ZDHHC21: variants seen among roughly 807,000 people sequenced by gnomAD.
ZDHHC21 encodes zDHHC palmitoyltransferase 21.
Under a neutral mutation model 34.6 loss-of-function variants are expected in ZDHHC21, and 15 were observed. The ratio of observed to expected loss-of-function variants is 0.43; its 90% confidence interval spans 0.29 to 0.67. The LOEUF (loss-of-function observed/expected upper bound fraction) is 0.67. Ranked by LOEUF, ZDHHC21 falls within the 30% of genes least tolerant of loss-of-function variation. The probability of loss-of-function intolerance (pLI) is 0.14; values close to 1 mark genes in which losing one functional copy is unlikely to be tolerated. For missense variants in ZDHHC21, 344 were observed against 327.7 expected (o/e 1.05, Z -0.38); for synonymous variants, 142 against 101.8 (o/e 1.40, Z -2.38).
chr9:14,622,019 G>C (rs1048825349), intron 8 of ZDHHC21, among the ~76,000 whole-genome samples: 3 of 152,092 alleles, frequency 2.0e-5, no homozygotes, highest in African/African-American at 7.2e-5. Flanking sequence ...TAAGTCCTCA[G>C]TTATATGTAA....
rs1471828460 is a variant in ZDHHC21, at chr9:14,670,757, T to C, written c.253+2073A>G. The stretch of plus-strand genomic sequence containing the variant: ...ACATATCTATATGAACACATACATA[T>C]CTATATGTTTAGGGAACAGAGGAGA... On this transcript the variant is annotated intron_variant, in intron 5 of 9. Coordinates refer to ENST00000380916, the MANE Select transcript of ZDHHC21 (RefSeq NM_178566.6). 2.6e-5 allele frequency among the ~76,000 whole-genome samples: 4 copies of C among 152,098 alleles called. No homozygotes were observed. The East Asian group carries it at 7.7e-4, about 29-fold the overall frequency.
At chr9:14,619,135 C>T (rs1181238144) in intron 9 of ZDHHC21, 37 bp from the exon 10 acceptor site, 1 of 1,568,110 alleles carries the variant, frequency 6.4e-7, no homozygotes, top group East Asian at 2.3e-5. Flanking sequence ...AGACAGCACT[C>T]CCATGGTGCA....
intron 7 of ZDHHC21, among the ~76,000 whole-genome samples, chr9:14,648,192 T>C (rs866194773): frequency 1.1e-4 from 17 of 152,138 alleles, no homozygotes; most frequent in African/African-American, 3.9e-4. Context: ...CTTCAAACTA[T>C]AATAGACCAC....
At chr9:14,669,508 T>C (rs1277361636) in intron 5 of ZDHHC21, among the ~76,000 whole-genome samples, 1 of 151,676 alleles carries the variant, frequency 6.6e-6, no homozygotes, top group Non-Finnish European at 1.5e-5. Context: ...ACTGGGTATA[T>C]ACCCAAAATG....
intron 1 of ZDHHC21, among the ~76,000 whole-genome samples, chr9:14,692,332 T>C (rs777995145): frequency 3.3e-5 from 5 of 152,214 alleles, no homozygotes; most frequent in Non-Finnish European, 5.9e-5. Flanking sequence ...TATATTAGCA[T>C]AGTAGGCTGA....
intron 2 of ZDHHC21, among the ~76,000 whole-genome samples, chr9:14,680,602 A>C (rs1380663136): frequency 7.2e-6 from 1 of 138,436 alleles, no homozygotes; most frequent in East Asian, 2.0e-4. Context: ...CCATTAAGAG[A>C]GTCAAACATA....
At chr9:14,633,479 G>A (rs530607546) in intron 8 of ZDHHC21, among the ~76,000 whole-genome samples, 1 of 152,280 alleles carries the variant, frequency 6.6e-6, no homozygotes, top group South Asian at 2.1e-4. Context: ...GCTCCAGAGA[G>A]GAGGATCATG....
At chr9:14,622,341 G>C (rs996161380) in intron 8 of ZDHHC21, among the ~76,000 whole-genome samples, 26 of 151,072 alleles carry the variant, frequency 1.7e-4, no homozygotes, top group Admixed American at 1.6e-3. Flanking sequence ...TTATTTTTCA[G>C]GTCTAGTCTA....
intron 7 of ZDHHC21, among the ~76,000 whole-genome samples, chr9:14,641,941 T>C (rs1306916110): frequency 6.6e-6 from 1 of 152,170 alleles, no homozygotes; most frequent in African/African-American, 2.4e-5. Context: ...TGAGGTGATT[T>C]TTAGGAATGC....
At chr9:14,635,395 T>C (rs776351458) in intron 8 of ZDHHC21, among the ~76,000 whole-genome samples, 12 of 152,100 alleles carry the variant, frequency 7.9e-5, no homozygotes, top group Non-Finnish European at 1.8e-4. Flanking sequence ...ATAATCAAAC[T>C]ATCAAAAGTC....
the ZDHHC21 span, among the ~76,000 whole-genome samples, chr9:14,601,886 G>A: frequency 1.3e-5 from 2 of 152,044 alleles, no homozygotes; most frequent in East Asian, 1.9e-4. Context: ...CTCAGCAAAC[G>A]CTCACAGGAA....
rs771214056 is a variant in ZDHHC21 at position 14,614,496 on chromosome 9, C to T, written c.*4470G>A. On this transcript the variant is annotated 3_prime_UTR_variant, in exon 10 of 10. Coordinates refer to ENST00000380916, the MANE Select transcript of ZDHHC21 (RefSeq NM_178566.6). Reference sequence around the variant, plus strand: ...AGCAGAAATGCTAAATACTGATTAACATATAGAATTACAACACTGGTTCAA... The same window carrying T: ...AGCAGAAATGCTAAATACTGATTAATATATAGAATTACAACACTGGTTCAA... 1.3e-5 allele frequency: 2 copies of T among 151,688 alleles called. No homozygotes were observed. Among genetic ancestry groups the T allele is most frequent in the Non-Finnish European group, 3.0e-5 (2 of 67,720 alleles). 9.4% of individuals were successfully genotyped at this position (151,688 alleles called of 1,614,324 possible).
chr9:14,693,404 C>T lies in ZDHHC21; in HGVS notation c.-400G>A, dbSNP rs903618989. The T allele has an allele frequency of 6.7e-6, 2 of 297,204 alleles. No homozygotes were observed. Among genetic ancestry groups the T allele is most frequent in the Admixed American group, 1.1e-4 (2 of 18,072 alleles). 18.4% of individuals were successfully genotyped at this position (297,204 alleles called of 1,614,324 possible). On this transcript the variant is annotated 5_prime_UTR_variant, in exon 1 of 10. Coordinates refer to ENST00000380916, the MANE Select transcript of ZDHHC21 (RefSeq NM_178566.6). Reference sequence around the variant, plus strand: ...GACCGGCCGAGTGGGTGTCCGCATGCCCGCGCGCCCGCGTGGGGAGGGACG... The same window carrying T: ...GACCGGCCGAGTGGGTGTCCGCATGTCCGCGCGCCCGCGTGGGGAGGGACG...
the ZDHHC21 span, chr9:14,589,209 C>A: frequency 2.0e-5 from 3 of 152,156 alleles, no homozygotes; most frequent in African/African-American, 7.2e-5. Context: ...CAGAGATAAA[C>A]ACATAATGAA....
chr9:14,621,429 G>GA (rs1403268259), intron 8 of ZDHHC21, among the ~76,000 whole-genome samples: 1 of 151,976 alleles, frequency 6.6e-6, no homozygotes, highest in African/African-American at 2.4e-5. Flanking sequence ...ATTTCATACA[G>GA]AAAAAGCTTT....
intron 8 of ZDHHC21, among the ~76,000 whole-genome samples, chr9:14,621,206 G>A (rs564673335): frequency 2.0e-5 from 3 of 152,132 alleles, no homozygotes; most frequent in South Asian, 2.1e-4. Context: ...TAGCTATTAG[G>A]AAAGGTATAT....
At chr9:14,662,601 G>A (rs867038283) in intron 5 of ZDHHC21, among the ~76,000 whole-genome samples, 2 of 151,950 alleles carry the variant, frequency 1.3e-5, no homozygotes, top group African/African-American at 2.4e-5. Context: ...TTGGATTCTG[G>A]GTATACTGTG....
In ZDHHC21 at chr9:14,674,328, T is replaced by A; in HGVS notation, c.13A>T (p.Ile5Phe). ...CCATGTGGGTCAACAACAAAGTGAA[T>A]CCGGAGACCCATTTTGCAATCTTAT... MGLR[I>F]HFVVDPHGWC... The change falls in exon 4 of 10, where the codon ATT becomes TTT. Residue 5 changes from isoleucine (I) to phenylalanine (F), a missense_variant. Coordinates refer to ENST00000380916, the MANE Select transcript of ZDHHC21 (RefSeq NM_178566.6). 1 of 1,594,802 alleles carries A rather than the reference T, an allele frequency of 6.3e-7. No homozygotes were observed. Among genetic ancestry groups the A allele is most frequent in the Non-Finnish European group, 8.5e-7 (1 of 1,172,608 alleles).
downstream of ZDHHC21, among the ~76,000 whole-genome samples, chr9:14,606,586 T>A (rs186544722): frequency 6.6e-6 from 1 of 152,284 alleles, no homozygotes; most frequent in East Asian, 1.9e-4. Context: ...TGCTGTGCCC[T>A]TTCTGAATGC....
Sources: allele counts gnomAD v4.1 joint callset (sites outside exome capture counted in the v4.1 genomes callset), GRCh38; gene constraint gnomAD v4.1.1; transcripts MANE v1.5; gene names NCBI Gene and HGNC (gene_info 2026-07-23, HGNC 2026-07-21).